HMGCLL1: variants seen among roughly 807,000 people sequenced by gnomAD.
HMGCLL1 encodes 3-hydroxy-3-methylglutaryl-CoA lyase like 1.
In HMGCLL1, 36 loss-of-function variants were observed where a neutral mutation model predicts 39.1. The ratio of observed to expected loss-of-function variants is 0.92; its 90% CI spans 0.71 to 1.22. The LOEUF (loss-of-function observed/expected upper bound fraction) is 1.22. HMGCLL1 is among the 50% of genes most tolerant of loss of function. The pLI is 0.00. For synonymous variants in HMGCLL1, 149 were observed against 144.0 expected (o/e 1.03, Z -0.25); for missense variants, 451 against 416.5 (o/e 1.08, Z -0.72).
the HMGCLL1 span, among the ~76,000 whole-genome samples, chr6:55,617,398 T>C: frequency 6.6e-6 from 1 of 152,022 alleles, no homozygotes; most frequent in African/African-American, 2.4e-5. Context: ...AAGAAGGAGT[T>C]AGACTGTGAA....
chr6:55,641,211 G>A, the HMGCLL1 span, among the ~76,000 whole-genome samples: 3 of 151,612 alleles, frequency 2.0e-5, no homozygotes. Flanking sequence ...TAAAAGACAG[G>A]AAGGAGAGGG....
At chr6:55,585,693 A>G in the HMGCLL1 span, among the ~76,000 whole-genome samples, 4 of 152,092 alleles carry the variant, frequency 2.6e-5, no homozygotes, top group African/African-American at 9.7e-5. Flanking sequence ...AATCAAATTC[A>G]TCCATTTTTA....
chr6:55,505,885 T>C (rs1473044023), intron 5 of HMGCLL1, among the ~76,000 whole-genome samples: 1 of 151,766 alleles, frequency 6.6e-6, no homozygotes, highest in African/African-American at 2.4e-5. Context: ...CAGCAATTCA[T>C]CCTTGGAAAA....
the HMGCLL1 span, among the ~76,000 whole-genome samples, chr6:55,615,407 A>T: frequency 2.6e-5 from 4 of 152,150 alleles, no homozygotes; most frequent in Non-Finnish European, 5.9e-5. Flanking sequence ...GAAGATTTCA[A>T]GGCTCAAAGA....
intron 5 of HMGCLL1, among the ~76,000 whole-genome samples, chr6:55,504,839 C>T (rs1439289081): frequency 6.6e-6 from 1 of 151,512 alleles, no homozygotes; most frequent in Non-Finnish European, 1.5e-5. Context: ...CTAAGACATT[C>T]CTAATTTTTA....
At chr6:55,555,244 T>C (rs1162320333) in intron 1 of HMGCLL1, among the ~76,000 whole-genome samples, 1 of 152,178 alleles carries the variant, frequency 6.6e-6, no homozygotes, top group African/African-American at 2.4e-5. Context: ...TTTGCCCCTG[T>C]TGGACTGTTC....
At chr6:55,658,999 T>G in the HMGCLL1 span, among the ~76,000 whole-genome samples, 1 of 151,942 alleles carries the variant, frequency 6.6e-6, no homozygotes, top group Non-Finnish European at 1.5e-5. Context: ...TCTATATGTG[T>G]AGACAAATTA....
chr6:55,594,760 T>C, the HMGCLL1 span, among the ~76,000 whole-genome samples: 1 of 152,122 alleles, frequency 6.6e-6, no homozygotes, highest in Non-Finnish European at 1.5e-5. Context: ...TAACAGCAAG[T>C]TGTCCCATGA....
the HMGCLL1 span, among the ~76,000 whole-genome samples, chr6:55,610,759 G>A: frequency 6.6e-6 from 1 of 152,070 alleles, no homozygotes; most frequent in Admixed American, 6.6e-5. Flanking sequence ...TGAAATGAAG[G>A]AAAACATTTT....
upstream of HMGCLL1, among the ~76,000 whole-genome samples, chr6:55,581,272 G>A (rs1021379573): frequency 6.6e-6 from 1 of 152,078 alleles, no homozygotes; most frequent in Non-Finnish European, 1.5e-5. Context: ...GTTGACCATA[G>A]TGATACGTGT....
chr6:55,579,959 T>C (rs1771943703), upstream of HMGCLL1, among the ~76,000 whole-genome samples: 1 of 152,160 alleles, frequency 6.6e-6, no homozygotes, highest in Admixed American at 6.5e-5. Context: ...TGTCACACCC[T>C]AATAATCTTC....
At chr6:55,517,901 T>C (rs1475625331) in intron 3 of HMGCLL1, among the ~76,000 whole-genome samples, 2 of 152,100 alleles carry the variant, frequency 1.3e-5, no homozygotes, top group African/African-American at 4.8e-5. Flanking sequence ...TAAGCTTTCG[T>C]GTTTCATTCA....
chr6:55,538,705 T>C (rs375119005), intron 3 of HMGCLL1, among the ~76,000 whole-genome samples: 1 of 152,134 alleles, frequency 6.6e-6, no homozygotes, highest in East Asian at 1.9e-4. Flanking sequence ...TTATTTTACA[T>C]TGAGCACCTA....
the HMGCLL1 span, among the ~76,000 whole-genome samples, chr6:55,623,812 T>G: frequency 2.0e-4 from 30 of 152,088 alleles, no homozygotes; most frequent in African/African-American, 6.0e-4. Flanking sequence ...CCCACCATCA[T>G]AGCCCTCACT....
chr6:55,631,915 G>A, the HMGCLL1 span, among the ~76,000 whole-genome samples: 4 of 152,224 alleles, frequency 2.6e-5, no homozygotes, highest in South Asian at 6.2e-4. Context: ...AAAAGGCACA[G>A]CACTTTAAGG....
upstream of HMGCLL1, among the ~76,000 whole-genome samples, chr6:55,580,666 C>T (rs768920921): frequency 2.6e-5 from 4 of 152,034 alleles, no homozygotes; most frequent in East Asian, 1.9e-4. Flanking sequence ...CTGACCTCCT[C>T]GGCCTCCCAA....
the HMGCLL1 span, among the ~76,000 whole-genome samples, chr6:55,677,437 C>T: frequency 6.6e-6 from 1 of 152,150 alleles, no homozygotes; most frequent in South Asian, 2.1e-4. Context: ...AAGCCTGAGA[C>T]AAATTGTGAG....
At chr6:55,603,960 A>G in the HMGCLL1 span, among the ~76,000 whole-genome samples, 1 of 152,198 alleles carries the variant, frequency 6.6e-6, no homozygotes, top group African/African-American at 2.4e-5. Context: ...ATTTTATTCC[A>G]TAAGTACATA....
chr6:55,626,115 C>T, the HMGCLL1 span, among the ~76,000 whole-genome samples: 7 of 152,138 alleles, frequency 4.6e-5, no homozygotes, highest in South Asian at 2.1e-4. Flanking sequence ...TGATATGACA[C>T]CATTCCTTGG....
Sources: gnomAD v4.1 joint callset for allele counts (sites outside exome capture counted in the v4.1 genomes callset) on GRCh38, gnomAD v4.1.1 for gene constraint, MANE v1.5 for transcripts, NCBI Gene and HGNC (gene_info 2026-07-23, HGNC 2026-07-21) for gene names.